The following CCNH variants were observed in gnomAD, a reference collection of about 807,000 sequenced individuals.
The protein encoded by CCNH is cyclin-H.
In CCNH, 31 loss-of-function variants were observed where a neutral mutation model predicts 41.9. The observed-to-expected ratio is 0.74, with a 90% confidence interval of 0.56 to 1.00. The LOEUF is 1.00. Ranked by LOEUF, CCNH falls within the 50% of genes least tolerant of loss-of-function variation. The pLI is 0.00. For missense variants in CCNH, 362 were observed against 388.4 expected (o/e 0.93, Z 0.57); for synonymous variants, 138 against 136.1 (o/e 1.01, Z -0.10).
intron 9 of CCNH, among the ~76,000 whole-genome samples, chr5:87,368,465 T>C (rs1004458448): frequency 9.9e-5 from 15 of 152,206 alleles, no homozygotes; most frequent in African/African-American, 3.4e-4. Context: ...TCCTGATGCC[T>C]GTAGTGTCTA....
downstream of CCNH, chr5:87,390,710 T>A: frequency 9.5e-7 from 1 of 1,056,770 alleles, no homozygotes; most frequent in Non-Finnish European, 1.5e-6. Flanking sequence ...ATCCTTTTGC[T>A]TTGATACAGT....
At chr5:87,401,940 A>C (rs1223423024) in intron 5 of CCNH, among the ~76,000 whole-genome samples, 168 bp from the exon 6 acceptor site, 2 of 152,254 alleles carry the variant, frequency 1.3e-5, no homozygotes, top group Non-Finnish European at 2.9e-5. Context: ...TACCACTTAC[A>C]TTAAAAGATG....
chr5:87,409,204 C>G, intron 3 of CCNH, 86 bp downstream of exon 3: 1 of 699,610 alleles, frequency 1.4e-6, no homozygotes, highest in East Asian at 2.7e-5. Context: ...CTCTCTCTCT[C>G]TCACAATTCT....
chr5:87,379,829 T>C (rs1761583366), upstream of CCNH: 8 of 1,612,750 alleles, frequency 5.0e-6, no homozygotes, highest in Non-Finnish European at 6.8e-6. Context: ...AAAATATTCA[T>C]GGCTTCAGAA....
downstream of CCNH, chr5:87,386,890 T>C (rs1173665082): frequency 1.2e-6 from 2 of 1,611,886 alleles, no homozygotes; most frequent in South Asian, 2.2e-5. Context: ...ATCATGTTTT[T>C]AGATGAACTT....
chr5:87,373,846 A>C (rs1278357303), downstream of CCNH, among the ~76,000 whole-genome samples: 1 of 152,072 alleles, frequency 6.6e-6, no homozygotes, highest in Non-Finnish European at 1.5e-5. Context: ...TTTTCTTCTT[A>C]ACTTCATTTT....
chr5:87,371,776 T>A (rs1319032176), downstream of CCNH, among the ~76,000 whole-genome samples: 1 of 152,156 alleles, frequency 6.6e-6, no homozygotes, highest in Non-Finnish European at 1.5e-5. Context: ...AGCTTAATTA[T>A]ACAGTTAATT....
At chr5:87,388,875 T>C (rs1762254475), downstream of CCNH, among the ~76,000 whole-genome samples, 1 of 152,130 alleles carries the variant, frequency 6.6e-6, no homozygotes, top group South Asian at 2.1e-4. Context: ...CTATTTGGCA[T>C]ATGTTCTAGA....
intron 9 of CCNH, among the ~76,000 whole-genome samples, chr5:87,327,994 TC>T (rs1207482960): frequency 6.6e-6 from 1 of 152,100 alleles, no homozygotes; most frequent in East Asian, 1.9e-4. Context: ...AGAGAGAACT[TC>T]CTATGTGGAC....
At chr5:87,389,342 A>G (rs368163597), downstream of CCNH, 3 of 1,600,974 alleles carry the variant, frequency 1.9e-6, no homozygotes, top group Non-Finnish European at 2.6e-6. Context: ...AAAAAAAACA[A>G]AAAAAAAGAA....
chr5:87,379,940 C>T, upstream of CCNH: 4 of 1,288,892 alleles, frequency 3.1e-6, no homozygotes, highest in South Asian at 2.6e-5. Context: ...TTTCTGTTGT[C>T]CTAATATTAT....
downstream of CCNH, chr5:87,392,799 C>T (rs1762613038): frequency 6.5e-6 from 1 of 154,574 alleles, no homozygotes; most frequent in South Asian, 2.0e-4. Context: ...ACTAGCTTGT[C>T]AGTGTTGAAA....
chr5:87,373,076 T>G (rs1761065960), downstream of CCNH, among the ~76,000 whole-genome samples: 1 of 152,160 alleles, frequency 6.6e-6, no homozygotes, highest in Non-Finnish European at 1.5e-5. Context: ...AAGTTGTATT[T>G]TGTGTGAAAC....
chr5:87,371,919 G>T (rs1324269664), downstream of CCNH, among the ~76,000 whole-genome samples: 2 of 151,692 alleles, frequency 1.3e-5, no homozygotes, highest in Admixed American at 6.6e-5. Flanking sequence ...CAATTGTTTT[G>T]GTTGTTTTAT....
In CCNH at chr5:87,394,420, A is replaced by G. The variant is rs1762753985; in HGVS notation, c.*26T>C. The G allele has an allele frequency of 1.2e-6, 2 of 1,609,246 alleles. No homozygotes were observed. The highest frequency in any genetic ancestry group is 1.7e-6 in the Non-Finnish European group (2 of 1,176,484). ...TGCTTCCTACTTCTCTTGATTAGTTAGCATTGAGAAATCAACTTCAAATGG... is the reference window on the plus strand; with the variant it reads ...TGCTTCCTACTTCTCTTGATTAGTTGGCATTGAGAAATCAACTTCAAATGG... On this transcript the variant is annotated 3_prime_UTR_variant, in exon 9 of 9. Transcript: ENST00000256897.
At chr5:87,378,650 C>T (rs528238721), upstream of CCNH, 72 of 1,165,518 alleles carry the variant, frequency 6.2e-5, no homozygotes, top group East Asian at 1.3e-3. Flanking sequence ...AAAATTATTC[C>T]TCATAGCAGT....
downstream of CCNH, chr5:87,392,538 C>CTCCT (rs901755826): frequency 7.1e-5 from 25 of 350,422 alleles, no homozygotes; most frequent in African/African-American, 4.1e-4. Context: ...CCCAGGTGGT[C>CTCCT]TCCTTCCTTG....
At chr5:87,382,812 G>A (rs905401296) in intron 9 of CCNH, among the ~76,000 whole-genome samples, 4 of 152,012 alleles carry the variant, frequency 2.6e-5, no homozygotes, top group African/African-American at 9.7e-5. Flanking sequence ...GGCTGGGCAT[G>A]GTGGCTCAAG....
At chr5:87,399,228 G>A (rs1354952386) in intron 7 of CCNH, among the ~76,000 whole-genome samples, 166 bp downstream of exon 7, 3 of 152,230 alleles carry the variant, frequency 2.0e-5, no homozygotes, top group East Asian at 1.9e-4. Context: ...AGTGAATGCC[G>A]AACTATTACC....
Sources: allele counts gnomAD v4.1 joint callset (sites outside exome capture counted in the v4.1 genomes callset), GRCh38; gene constraint gnomAD v4.1.1; transcripts MANE v1.5; gene names NCBI Gene and HGNC (gene_info 2026-07-23, HGNC 2026-07-21).